Variants in RBFOX1 observed in about 807,000 individuals in gnomAD.
RBFOX1 encodes RNA binding protein fox-1 homolog 1.
Under a neutral mutation model 57.7 loss-of-function variants are expected in RBFOX1, and 8 were observed. The ratio of observed to expected loss-of-function variants is 0.14; its 90% CI spans 0.08 to 0.25. The LOEUF is 0.25. Ranked by LOEUF, RBFOX1 falls within the 10% of genes least tolerant of loss-of-function variation. The pLI is 1.00. For missense variants in RBFOX1, 611 were observed against 548.5 expected (o/e 1.11, Z -1.14); for synonymous variants, 326 against 222.4 (o/e 1.47, Z -4.15).
intron 2 of RBFOX1, among the ~76,000 whole-genome samples, chr16:5,548,219 A>T (rs2045314482): frequency 7.1e-6 from 1 of 140,284 alleles, no homozygotes; most frequent in African/African-American, 2.6e-5. Flanking sequence ...ATTGGGGACT[A>T]CTGGTGGGGG....
At chr16:6,485,130 T>A (rs930537261) in intron 2 of RBFOX1, among the ~76,000 whole-genome samples, 4 of 152,200 alleles carry the variant, frequency 2.6e-5, no homozygotes, top group African/African-American at 7.2e-5. Flanking sequence ...AGTAAGTGAA[T>A]GCAAGTCAAT....
At chr16:7,603,829 T>C (rs971947102) in intron 9 of RBFOX1, among the ~76,000 whole-genome samples, 2 of 152,112 alleles carry the variant, frequency 1.3e-5, no homozygotes, top group African/African-American at 2.4e-5. Flanking sequence ...TTATCTCAAA[T>C]TGGGAAGAAG....
chr16:7,581,868 G>T lies in RBFOX1; in HGVS notation c.414+1948G>T, dbSNP rs552136607. 1.0e-3 allele frequency among the ~76,000 whole-genome samples: 152 copies of T among 152,052 alleles called. 1 individual carries two copies. The highest frequency in any genetic ancestry group is 3.5e-3 in the African/African-American group (146 of 41,486). On this transcript the variant is annotated intron_variant, in intron 6 of 15. Transcript: ENST00000550418. ...TGGGACTACAGGCACAAGCCACCAT[G>T]CTTGGCTAATTTTTAAGTATTTTTT...
At chr16:7,110,451 G>T (rs967584457) in intron 4 of RBFOX1, among the ~76,000 whole-genome samples, 1 of 152,130 alleles carries the variant, frequency 6.6e-6, no homozygotes, top group Non-Finnish European at 1.5e-5. Flanking sequence ...TATGAGTGGA[G>T]ACAAGACTTC....
intron 3 of RBFOX1, among the ~76,000 whole-genome samples, chr16:6,938,888 C>T (rs906947106): frequency 9.9e-5 from 15 of 152,144 alleles, no homozygotes; most frequent in South Asian, 6.2e-4. Context: ...GCCGAGATTG[C>T]ACCACTGCAC....
At chr16:7,120,663 A>G (rs566765749) in intron 4 of RBFOX1, among the ~76,000 whole-genome samples, 3 of 149,540 alleles carry the variant, frequency 2.0e-5, no homozygotes, top group East Asian at 4.0e-4. Context: ...AAATGGTTTC[A>G]TTGGCTATTC....
At chr16:6,869,980 T>A (rs991127822) in intron 3 of RBFOX1, among the ~76,000 whole-genome samples, 2 of 152,184 alleles carry the variant, frequency 1.3e-5, no homozygotes, top group African/African-American at 4.8e-5. Flanking sequence ...AAATAAGGGA[T>A]CAAAGGTAAC....
rs537113767 is a variant in RBFOX1 at position 5,750,878 on chromosome 16, C to T, written c.319-116425C>T. ...GTGGGCTGCATCCACTGTCCTGTCC[C>T]CACTGTCTGACAAGCCCCAGTGAGA... On this transcript the variant is annotated intron_variant, in intron 3 of 19. Transcript: ENST00000641259. Among the ~76,000 whole-genome samples the T allele has an allele frequency of 3.3e-5, 5 of 152,336 alleles. No homozygotes were observed. In the South Asian group the frequency reaches 8.3e-4, roughly 25 times the overall value.
intron 3 of RBFOX1, among the ~76,000 whole-genome samples, chr16:6,966,381 C>A (rs189097244): frequency 6.6e-6 from 1 of 152,178 alleles, no homozygotes; most frequent in African/African-American, 2.4e-5. Context: ...TAAGTCATGG[C>A]AGGACAGCCA....
intron 4 of RBFOX1, among the ~76,000 whole-genome samples, chr16:7,455,803 A>G (rs1040570494): frequency 2.0e-5 from 3 of 147,218 alleles, no homozygotes; most frequent in Non-Finnish European, 4.5e-5. Context: ...AAAAAAAAAG[A>G]AAAAAAAGAA....
chr16:6,306,756 C>G (rs1405929589), intron 1 of RBFOX1, among the ~76,000 whole-genome samples: 1 of 152,138 alleles, frequency 6.6e-6, no homozygotes, highest in Non-Finnish European at 1.5e-5. Context: ...ATCATTGAAC[C>G]TAAAAGAATC....
At chr16:5,632,126 A>G (rs1321514505) in intron 3 of RBFOX1, among the ~76,000 whole-genome samples, 1 of 152,228 alleles carries the variant, frequency 6.6e-6, no homozygotes, top group Non-Finnish European at 1.5e-5. Flanking sequence ...AGGCCTCTTC[A>G]CAAAGGACAC....
At chr16:5,768,203 T>C (rs942106643) in intron 3 of RBFOX1, among the ~76,000 whole-genome samples, 3 of 152,188 alleles carry the variant, frequency 2.0e-5, no homozygotes, top group Admixed American at 2.0e-4. Flanking sequence ...GCCTAGTTTT[T>C]GGAGCATGAG....
At chr16:5,960,169 C>G (rs1302243189) in intron 4 of RBFOX1, among the ~76,000 whole-genome samples, 1 of 151,974 alleles carries the variant, frequency 6.6e-6, no homozygotes, top group Non-Finnish European at 1.5e-5. Flanking sequence ...CCATTGCACT[C>G]CAGCCTGGGC....
intron 3 of RBFOX1, among the ~76,000 whole-genome samples, chr16:5,688,050 A>T (rs1383194967): frequency 2.0e-5 from 3 of 152,238 alleles, no homozygotes; most frequent in Non-Finnish European, 4.4e-5. Context: ...ATTTGATCCA[A>T]CCAGGTCAAG....
intron 1 of RBFOX1, among the ~76,000 whole-genome samples, chr16:5,404,661 A>T (rs141058580): frequency 6.6e-6 from 1 of 152,308 alleles, no homozygotes; most frequent in East Asian, 1.9e-4. Flanking sequence ...TATTCTGTGC[A>T]CAGATGCTGT....
At chr16:5,827,504 C>G (rs771828606) in intron 3 of RBFOX1, among the ~76,000 whole-genome samples, 31 of 151,978 alleles carry the variant, frequency 2.0e-4, no homozygotes, top group Admixed American at 2.0e-4. Context: ...CCCGAGAACT[C>G]CCTCCCTCTA....
At chr16:5,584,683 A>G (rs1214209161) in intron 2 of RBFOX1, among the ~76,000 whole-genome samples, 3 of 152,018 alleles carry the variant, frequency 2.0e-5, no homozygotes, top group Non-Finnish European at 4.4e-5. Context: ...ATGGGAGAGG[A>G]GGGCTGGGTA....
intron 2 of RBFOX1, among the ~76,000 whole-genome samples, chr16:6,350,731 A>G (rs1485610954): frequency 1.3e-5 from 2 of 152,178 alleles, no homozygotes; most frequent in African/African-American, 4.8e-5. Flanking sequence ...TTTAAGCCTC[A>G]TTAACAACAC....
Sources: gnomAD v4.1 joint callset for allele counts (sites outside exome capture counted in the v4.1 genomes callset) on GRCh38, gnomAD v4.1.1 for gene constraint, MANE v1.5 for transcripts, NCBI Gene and HGNC (gene_info 2026-07-23, HGNC 2026-07-21) for gene names.